Variants in ENAM observed in about 807,000 individuals in gnomAD.
ENAM encodes enamelin.
In ENAM, 21 loss-of-function variants were observed where a neutral mutation model predicts 33.6. The ratio of observed to expected loss-of-function variants is 0.63; its 90% CI spans 0.44 to 0.90. The LOEUF (loss-of-function observed/expected upper bound fraction) is 0.90, where lower values mean the gene tolerates loss of function less well. ENAM is among the 40% of genes least tolerant of loss of function. The probability of loss-of-function intolerance (pLI) is 0.00; values close to 1 mark genes in which losing one functional copy is unlikely to be tolerated. For synonymous variants in ENAM, 473 were observed against 468.4 expected, an observed-to-expected ratio of 1.01 and a Z score of -0.13; for missense variants, 1,388 against 1,366.9, an observed-to-expected ratio of 1.02 and a Z score of -0.24.
intron 6 of ENAM, 71 bp downstream of exon 6, chr4:70,634,639 C>T (rs1052695462): frequency 2.9e-6 from 4 of 1,390,156 alleles, no homozygotes; most frequent in African/African-American, 2.8e-5. Flanking sequence ...ATGCCACCCC[C>T]ATATACACAC....
Position 70,645,343 on chromosome 4 carries a change from T to C in ENAM, c.*488T>C, listed in dbSNP as rs1350882983. On this transcript the variant is annotated 3_prime_UTR_variant, in exon 9 of 9. Coordinates refer to ENST00000396073, the MANE Select transcript of ENAM (RefSeq NM_031889.3). The stretch of plus-strand genomic sequence containing the variant: ...CAATATTCTCTTCAAGCATTTTTTT[T>C]CTTCCACTGCCACTCTCTTTACCTT... 2.4e-5 allele frequency: 4 copies of C among 169,580 alleles called. No individual in the cohort carries two copies. The highest frequency in any genetic ancestry group is 9.6e-5 in the African/African-American group (4 of 41,860). The allele number at this position is 169,580 out of a possible 1,614,324, so 10.5% of individuals were successfully genotyped here.
chr4:70,634,509 C>T lies in ENAM; in HGVS notation c.412C>T (p.Pro138Ser), dbSNP rs1352211238. ...GTCAAAAAAGCCACCACAAAAGCGG[C>T]CTTTGAAGCAGCCATCACATAATCA... ...TQSKKPPQKR[P>S]LKQPSHNQPQ... The change falls in exon 6 of 9, where the codon CCT (proline) becomes TCT (serine). Residue 138 changes from proline to serine, a missense_variant. By Grantham distance (74) the Pro-to-Ser change is moderately conservative. Transcript: ENST00000396073. 6.2e-7 allele frequency: 1 copy of T among 1,614,104 alleles called. No individual in the cohort carries two copies. Among genetic ancestry groups the T allele is most frequent in the South Asian group, 1.1e-5 (1 of 91,088 alleles).
rs780377283 is a variant in ENAM at position 70,644,766 on chromosome 4, G to C, written c.3340G>C (p.Asp1114His). Residue 1114 changes from aspartate (D) to histidine (H), a missense_variant, in exon 9 of 9, where the codon GAT becomes CAT. Physicochemically the swap from Asp to His is moderately conservative, Grantham distance 81. Transcript: ENST00000396073. The part of the protein sequence containing the change: ...QFKSINVDPL[D>H]ADEHSPFEFL... Reference sequence around the variant, plus strand: ...TAAGAGTATAAATGTAGACCCACTTGATGCAGATGAACACAGTCCATTTGA... The same window carrying C: ...TAAGAGTATAAATGTAGACCCACTTCATGCAGATGAACACAGTCCATTTGA... 6.2e-7 allele frequency: 1 copy of C among 1,614,042 alleles called. No homozygotes were observed. Among genetic ancestry groups the C allele is most frequent in the African/African-American group, 1.3e-5 (1 of 75,028 alleles).
chr4:70,644,154 T>C lies in ENAM; in HGVS notation c.2728T>C (p.Tyr910His). ...GGAGAACCAAGACACCAGTCCTCTG[T>C]ATACAGACGGTAGTCATACCAAGCA... The part of the protein sequence containing the change: ...PGENQDTSPL[Y>H]TDGSHTKQTR... The change falls in exon 9 of 9, where the codon TAT (tyrosine) becomes CAT (histidine). Residue 910 changes from tyrosine (Y) to histidine (H), a missense_variant. Coordinates refer to ENST00000396073, the MANE Select transcript of ENAM (RefSeq NM_031889.3). 2 of 1,614,076 alleles carry C rather than the reference T, an allele frequency of 1.2e-6. No homozygotes were observed. Among genetic ancestry groups the C allele is most frequent in the African/African-American group, 2.7e-5 (2 of 74,998 alleles).
chr4:70,644,822 C>T lies in ENAM; in HGVS notation c.3396C>T (p.Asp1132=), dbSNP rs1369423746. ...EFLQRGTNVQ[D]QVQDCLLLQA is the part of the protein sequence containing the mutation. ...TTCAAAGAGGGACCAATGTACAGGA[C>T]CAGGTACAAGACTGCTTACTACTTC... Residue 1132 remains aspartate (D), a synonymous_variant, in exon 9 of 9, where the codon GAC becomes GAT. Coordinates refer to ENST00000396073, the MANE Select transcript of ENAM (RefSeq NM_031889.3). 4.3e-6 allele frequency: 7 copies of T among 1,613,834 alleles called. No individual in the cohort carries two copies. The highest frequency in any genetic ancestry group is 5.1e-6 in the Non-Finnish European group (6 of 1,179,852).
At position 70,643,897 on chromosome 4, in the gene ENAM, A is replaced by G. The variant is rs769455436; in HGVS notation, c.2471A>G (p.His824Arg). ...GGGCTTCAGAAAAATCCAATATGGC[A>G]TGAAGGTGAGAATTTGAACTATGGC... ...PAGLQKNPIW[H>R]EGENLNYGMQ... The change falls in exon 9 of 9, where the codon CAT becomes CGT. Residue 824 changes from histidine to arginine, a missense_variant. Physicochemically the swap from His to Arg is conservative, Grantham distance 29. Transcript: ENST00000396073. The G allele has an allele frequency of 1.9e-6, 3 of 1,614,094 alleles. No homozygotes were observed. In the African/African-American group the frequency reaches 4.0e-5, roughly 22 times the overall value.
At position 70,645,227 on chromosome 4, in the gene ENAM, C is replaced by T; in HGVS notation, c.*372C>T. Reference sequence around the variant, plus strand: ...AAGACTGAAAGGCAGATTAACTTTCCATTCTACTTATGGAGATCCACACAT... The same window carrying T: ...AAGACTGAAAGGCAGATTAACTTTCTATTCTACTTATGGAGATCCACACAT... On this transcript the variant is annotated 3_prime_UTR_variant, in exon 9 of 9. Coordinates refer to ENST00000396073, the MANE Select transcript of ENAM (RefSeq NM_031889.3). 3.3e-6 allele frequency: 1 copy of T among 300,570 alleles called. No homozygotes were observed. The highest frequency in any genetic ancestry group is 6.1e-6 in the Non-Finnish European group (1 of 163,760). The allele number at this position is 300,570 out of a possible 1,614,324, so 18.6% of individuals were successfully genotyped here. A position where few individuals can be genotyped will look rare whatever the true frequency, so the allele number is the denominator to read the frequency against.
At chr4:70,637,375 C>G (rs1246868828) in intron 7 of ENAM, among the ~76,000 whole-genome samples, 1 of 152,156 alleles carries the variant, frequency 6.6e-6, no homozygotes, top group Non-Finnish European at 1.5e-5. Flanking sequence ...TACTTAATCT[C>G]TATTATTAGA....
At chr4:70,631,926 C>T in intron 4 of ENAM, 33 bp downstream of exon 4, 2 of 1,558,560 alleles carry the variant, frequency 1.3e-6, no homozygotes, top group Non-Finnish European at 8.9e-7. Context: ...GAGAAGTTAT[C>T]CAGAGTCCTA....
chr4:70,631,948 T>A (rs1051636833), intron 4 of ENAM, 55 bp downstream of exon 4: 26 of 1,419,072 alleles, frequency 1.8e-5, no homozygotes, highest in Non-Finnish European at 2.5e-5. Context: ...CCTACACATT[T>A]ACTAAAAAGG....
In ENAM at chr4:70,644,187, G is replaced by C. The variant is rs989658376; in HGVS notation, c.2761G>C (p.Asp921His). Residue 921 changes from aspartate to histidine, a missense_variant, in exon 9 of 9, where the codon GAT (aspartate) becomes CAT (histidine). Physicochemically the swap from Asp to His is moderately conservative, Grantham distance 81. Coordinates refer to ENST00000396073, the MANE Select transcript of ENAM (RefSeq NM_031889.3). The stretch of plus-strand genomic sequence containing the variant: ...CGGTAGTCATACCAAGCAGACAAGA[G>C]ATATCATCTCCCCAACAAGCATCCT... The part of the protein sequence containing the change: ...TDGSHTKQTR[D>H]IISPTSILPG... 1 of 1,614,120 alleles carries C rather than the reference G, an allele frequency of 6.2e-7. No homozygotes were observed. Among genetic ancestry groups the C allele is most frequent in the Admixed American group, 1.7e-5 (1 of 60,016 alleles).
intron 5 of ENAM, among the ~76,000 whole-genome samples, chr4:70,633,768 T>TA (rs879603261): frequency 8.5e-5 from 13 of 152,254 alleles, no homozygotes; most frequent in African/African-American, 2.2e-4. Flanking sequence ...GTGATTCTGA[T>TA]AAAAAAATGG....
At chr4:70,639,089 A>G (rs1468298481) in intron 8 of ENAM, among the ~76,000 whole-genome samples, 2 of 152,044 alleles carry the variant, frequency 1.3e-5, no homozygotes, top group Non-Finnish European at 2.9e-5. Flanking sequence ...GAGCCACTGC[A>G]ACTGGCAGAG....
In ENAM at chr4:70,643,175, A is replaced by G. The variant is rs777518604; in HGVS notation, c.1749A>G (p.Gln583=). ...CTTTTAAGGAAGATCCAGGGAGGCA[A>G]GAAGAACATTTACCCCATCCTTCCC... The part of the protein sequence containing the change: ...SPPFKEDPGR[Q]EEHLPHPSHG... The change falls in exon 9 of 9, where the codon CAA becomes CAG. Residue 583 remains glutamine (Q), a synonymous_variant. Coordinates refer to ENST00000396073, the MANE Select transcript of ENAM (RefSeq NM_031889.3). 9 of 1,613,794 alleles carry G rather than the reference A, an allele frequency of 5.6e-6. No individual in the cohort carries two copies. In the Admixed American group the frequency reaches 1.3e-4, roughly 24 times the overall value.
At chr4:70,640,896 A>G (rs1738578719) in intron 8 of ENAM, among the ~76,000 whole-genome samples, 1 of 152,176 alleles carries the variant, frequency 6.6e-6, no homozygotes, top group African/African-American at 2.4e-5. Flanking sequence ...AAAGGGGCCA[A>G]ATTTCCATAT....
rs753064812 is a variant in ENAM, at chr4:70,632,650, G to C, written c.169-1G>C. ...ACATTAATGGATTCCTTTGGTTGCA[G>C]ATGATGCGGTATAATCAATTCAACT... is the stretch of plus-strand genomic sequence containing the variant. On this transcript the variant is annotated splice_acceptor_variant, in intron 4 of 8. Coordinates refer to ENST00000396073, the MANE Select transcript of ENAM (RefSeq NM_031889.3). LOFTEE classifies it high-confidence loss of function. 8 of 1,596,592 alleles carry C rather than the reference G, an allele frequency of 5.0e-6. No individual in the cohort carries two copies. In the Admixed American group the frequency reaches 1.3e-4, roughly 27 times the overall value.
rs372577583 is a variant in ENAM at position 70,643,524 on chromosome 4, C to A, written c.2098C>A (p.Leu700Ile). 1.2e-6 allele frequency: 2 copies of A among 1,614,052 alleles called. No homozygotes were observed. Among genetic ancestry groups the A allele is most frequent in the Non-Finnish European group, 8.5e-7 (1 of 1,179,930 alleles). ...QYTSNQPKEY[L>I]PYSLDNPSKP... is the part of the protein sequence containing the mutation. Reference sequence around the variant, plus strand: ...TACCTCAAATCAGCCAAAGGAATATCTTCCCTATTCTTTAGATAATCCATC... The same window carrying A: ...TACCTCAAATCAGCCAAAGGAATATATTCCCTATTCTTTAGATAATCCATC... Residue 700 changes from leucine (L) to isoleucine (I), a missense_variant, in exon 9 of 9, where the codon CTT becomes ATT. Physicochemically the swap from Leu to Ile is conservative, Grantham distance 5. Coordinates refer to ENST00000396073, the MANE Select transcript of ENAM (RefSeq NM_031889.3).
intron 6 of ENAM, among the ~76,000 whole-genome samples, chr4:70,635,228 G>A (rs902499893): frequency 6.6e-6 from 1 of 151,890 alleles, no homozygotes; most frequent in Non-Finnish European, 1.5e-5. Flanking sequence ...AATACAAAAA[G>A]TAGCTGGGCT....
chr4:70,632,003 A>C, intron 4 of ENAM, 110 bp downstream of exon 4: 1 of 991,382 alleles, frequency 1.0e-6, no homozygotes, highest in Non-Finnish European at 1.6e-6. Flanking sequence ...CTTATGAAAA[A>C]GGTAAAAAGA....
Sources: allele counts gnomAD v4.1 joint callset (sites outside exome capture counted in the v4.1 genomes callset), GRCh38; gene constraint gnomAD v4.1.1; transcripts MANE v1.5; gene names NCBI Gene and HGNC (gene_info 2026-07-23, HGNC 2026-07-21).